The following SMG6 variants were observed in gnomAD, a reference collection of about 807,000 sequenced individuals.
The protein encoded by SMG6 is telomerase-binding protein EST1A.
A neutral mutation model predicts 142.2 loss-of-function variants in SMG6; 66 were observed. The ratio of observed to expected loss-of-function variants is 0.46; its 90% CI spans 0.38 to 0.57. The LOEUF (loss-of-function observed/expected upper bound fraction) is 0.57. Among genes scored for constraint, SMG6 ranks in the 20% least tolerant of loss-of-function variants. SMG6 has a pLI of 0.00. For missense variants in SMG6, 1,793 were observed against 1,832.0 expected (o/e 0.98, Z 0.39); for synonymous variants, 779 against 702.4 (o/e 1.11, Z -1.72).
chr17:2,158,049 A>C (rs1442340179), intron 13 of SMG6, among the ~76,000 whole-genome samples: 1 of 152,236 alleles, frequency 6.6e-6, no homozygotes, highest in East Asian at 1.9e-4. Flanking sequence ...GGGAGTAATA[A>C]AAAGGGGTGA....
At chr17:2,128,159 C>A (rs1157988033) in intron 13 of SMG6, among the ~76,000 whole-genome samples, 8 of 152,240 alleles carry the variant, frequency 5.3e-5, no homozygotes, top group Non-Finnish European at 1.2e-4. Flanking sequence ...CAAGGCCCCA[C>A]AGGCACATCC....
intron 13 of SMG6, chr17:2,086,941 C>T (rs770897965): frequency 1.2e-5 from 14 of 1,201,232 alleles, no homozygotes; most frequent in South Asian, 2.7e-5. Context: ...CGTGGCCAGA[C>T]GTGCCACAGG....
chr17:2,190,671 G>A (rs1443865297), intron 10 of SMG6, among the ~76,000 whole-genome samples: 3 of 152,182 alleles, frequency 2.0e-5, no homozygotes, highest in Admixed American at 6.5e-5. Context: ...AGGCAAGGTA[G>A]CAACAGCTGG....
chr17:2,215,174 G>T (rs2072977376), intron 10 of SMG6, among the ~76,000 whole-genome samples: 1 of 151,992 alleles, frequency 6.6e-6, no homozygotes, highest in South Asian at 2.1e-4. Context: ...TGTGAAGAGT[G>T]GCTGCTGATG....
intron 10 of SMG6, among the ~76,000 whole-genome samples, chr17:2,227,524 C>A (rs1247462736): frequency 6.6e-6 from 1 of 152,160 alleles, no homozygotes; most frequent in Non-Finnish European, 1.5e-5. Context: ...CTAGAAAAGA[C>A]AAATCTAACA....
At chr17:2,109,461 G>A (rs1241276136) in intron 13 of SMG6, among the ~76,000 whole-genome samples, 1 of 152,016 alleles carries the variant, frequency 6.6e-6, no homozygotes, top group African/African-American at 2.4e-5. Context: ...ACAGGGTTTC[G>A]CCATGTTGGC....
intron 13 of SMG6, among the ~76,000 whole-genome samples, chr17:2,118,481 G>C (rs2069577907): frequency 6.6e-6 from 1 of 152,148 alleles, no homozygotes; most frequent in African/African-American, 2.4e-5. Flanking sequence ...AGAGGTAGCA[G>C]TGAGCCAAGA....
At chr17:2,257,701 T>C (rs768070554) in intron 8 of SMG6, among the ~76,000 whole-genome samples, 2 of 152,064 alleles carry the variant, frequency 1.3e-5, no homozygotes, top group African/African-American at 2.4e-5. Flanking sequence ...TCCAGCCCAG[T>C]GGTTCCCAAA....
At chr17:2,123,634 C>T (rs1276512655) in intron 13 of SMG6, among the ~76,000 whole-genome samples, 2 of 152,180 alleles carry the variant, frequency 1.3e-5, no homozygotes, top group African/African-American at 4.8e-5. Context: ...GGAAGTCGAG[C>T]TCTCATTCAT....
chr17:2,064,880 GTGC>G (rs1312897473), intron 18 of SMG6, among the ~76,000 whole-genome samples, 190 bp downstream of exon 18: 59 of 151,878 alleles, frequency 3.9e-4, no homozygotes, highest in Non-Finnish European at 6.6e-4. Context: ...TTGGCCCAGG[GTGC>G]ACCTGGCATT....
chr17:2,252,176 G>A (rs1295916826), intron 8 of SMG6, among the ~76,000 whole-genome samples: 10 of 152,174 alleles, frequency 6.6e-5, no homozygotes, highest in Admixed American at 6.5e-4. Context: ...CACTTTGGGA[G>A]GCTGAGGTGG....
intron 13 of SMG6, among the ~76,000 whole-genome samples, chr17:2,119,167 C>G (rs1183175432): frequency 6.6e-6 from 1 of 151,246 alleles, no homozygotes; most frequent in Non-Finnish European, 1.5e-5. Flanking sequence ...AAGCAATTCT[C>G]CTGACTCAGC....
At chr17:2,140,865 C>T (rs2070457009) in intron 13 of SMG6, among the ~76,000 whole-genome samples, 1 of 152,078 alleles carries the variant, frequency 6.6e-6, no homozygotes, top group Non-Finnish European at 1.5e-5. Context: ...AATTGCCTTT[C>T]AAGTATTAGT....
chr17:2,152,045 G>A (rs1164437646), intron 13 of SMG6, among the ~76,000 whole-genome samples: 4 of 152,182 alleles, frequency 2.6e-5, no homozygotes, highest in Non-Finnish European at 5.9e-5. Context: ...AATATACTAC[G>A]GGCAAGAAGC....
At chr17:2,188,586 G>A (rs2072065703) in intron 10 of SMG6, 71 bp from the exon 11 acceptor site, 1 of 1,372,002 alleles carries the variant, frequency 7.3e-7, no homozygotes, top group South Asian at 1.2e-5. Context: ...ACGTTACCGA[G>A]CTTCCTTTTC....
intron 6 of SMG6, among the ~76,000 whole-genome samples, chr17:2,286,923 A>ATTTTTTTT (rs59503723): frequency 1.8e-5 from 2 of 111,440 alleles, no homozygotes; most frequent in Non-Finnish European, 3.6e-5. Flanking sequence ...ACATAAAATA[A>ATTTTTTTT]TTTTTTTTTT....
intron 13 of SMG6, among the ~76,000 whole-genome samples, chr17:2,114,964 T>TAAAATAAAATAAAATAAA (rs58282463): frequency 1.7e-5 from 1 of 59,578 alleles, no homozygotes; most frequent in Non-Finnish European, 3.4e-5. Context: ...AAAAATGAAA[T>TAAAATAAAATAAAATAAA]GAAATGAAAT....
chr17:2,202,629 C>A (rs2072564347), intron 10 of SMG6, among the ~76,000 whole-genome samples: 1 of 152,038 alleles, frequency 6.6e-6, no homozygotes, highest in African/African-American at 2.4e-5. Flanking sequence ...GTTAAGAGTT[C>A]ATAACTGGAG....
In SMG6 at chr17:2,172,761, T is replaced by A. The variant is rs2071544092; in HGVS notation, c.3254A>T (p.Asp1085Val). The A allele has an allele frequency of 1.2e-6, 2 of 1,613,816 alleles. No individual in the cohort carries two copies. The highest frequency in any genetic ancestry group is 2.2e-5 in the South Asian group (2 of 91,078). The change falls in exon 13 of 19, where the codon GAC (aspartate) becomes GTC (valine). Residue 1085 changes from aspartate to valine, a missense_variant. Physicochemically the swap from Asp to Val is radical, Grantham distance 152. Transcript: ENST00000263073. ...EVPLYKDPDDDLTLLILEEDR... is the reference protein window; with the variant it reads ...EVPLYKDPDDVLTLLILEEDR... ...CTCTTCCAGGATAAGAAGGGTGAGGTCATCATCCGGGTCCTTGTACAGTGG... is the reference window on the plus strand; with the variant it reads ...CTCTTCCAGGATAAGAAGGGTGAGGACATCATCCGGGTCCTTGTACAGTGG...
Sources: allele counts gnomAD v4.1 joint callset (sites outside exome capture counted in the v4.1 genomes callset), GRCh38; gene constraint gnomAD v4.1.1; transcripts MANE v1.5; gene names NCBI Gene and HGNC (gene_info 2026-07-23, HGNC 2026-07-21).